NOS1AP: variants seen among roughly 807,000 people sequenced by gnomAD.
NOS1AP encodes nitric oxide synthase 1 adaptor protein, also known as carboxyl-terminal PDZ ligand of neuronal nitric oxide synthase protein.
Under a neutral mutation model 56.2 loss-of-function variants are expected in NOS1AP, and 21 were observed. The observed-to-expected ratio is 0.37, with a 90% CI of 0.26 to 0.54. NOS1AP has a LOEUF of 0.54. Ranked by LOEUF, NOS1AP falls within the 20% of genes least tolerant of loss-of-function variation. NOS1AP has a pLI of 0.84. For synonymous variants in NOS1AP, 270 were observed against 274.6 expected (o/e 0.98, Z 0.17); for missense variants, 522 against 657.8 (o/e 0.79, Z 2.26).
At chr1:162,342,548 T>C (rs775811141) in intron 5 of NOS1AP, 5 of 484,182 alleles carry the variant, frequency 1.0e-5, no homozygotes, top group Admixed American at 8.8e-5. Flanking sequence ...TTCACAAAGA[T>C]AGTAATAAGA....
At position 162,195,998 on chromosome 1, in the gene NOS1AP, A is replaced by C. The variant is rs76088475; in HGVS notation, c.177+41522A>C. ...TCAAAATGATTAAATAAATTAGACT[A>C]TTGGACCAAAGGGGTAAAGGAGATG... On this transcript the variant is annotated intron_variant, in intron 2 of 9. Transcript: ENST00000361897. Among the ~76,000 whole-genome samples the C allele has an allele frequency of 2.8e-3, 422 of 152,348 alleles. 3 individuals are homozygous for C. The highest frequency in any genetic ancestry group is 9.7e-3 in the African/African-American group (405 of 41,574).
At chr1:162,202,682 G>A (rs1652034885) in intron 2 of NOS1AP, among the ~76,000 whole-genome samples, 1 of 152,024 alleles carries the variant, frequency 6.6e-6, no homozygotes, top group Admixed American at 6.6e-5. Flanking sequence ...GATTTTGTCA[G>A]GTTAAAGTAT....
At chr1:162,278,980 A>C (rs1654832432) in intron 2 of NOS1AP, among the ~76,000 whole-genome samples, 1 of 152,196 alleles carries the variant, frequency 6.6e-6, no homozygotes, top group African/African-American at 2.4e-5. Context: ...AGGACAGTCT[A>C]GGCTAGATAT....
At chr1:162,281,214 A>G (rs566615457) in intron 2 of NOS1AP, among the ~76,000 whole-genome samples, 1 of 152,358 alleles carries the variant, frequency 6.6e-6, no homozygotes, top group East Asian at 1.9e-4. Context: ...AAGGAAGATT[A>G]GTTCTTAAAG....
chr1:162,227,676 A>C (rs944407309), intron 2 of NOS1AP, among the ~76,000 whole-genome samples: 4 of 152,222 alleles, frequency 2.6e-5, no homozygotes, highest in Admixed American at 6.5e-5. Flanking sequence ...CGTTCTAGAG[A>C]AAATCCTAAA....
chr1:162,093,543 C>T (rs2102024685), intron 1 of NOS1AP, among the ~76,000 whole-genome samples: 1 of 152,210 alleles, frequency 6.6e-6, no homozygotes, highest in East Asian at 1.9e-4. Flanking sequence ...GGAAGAGATA[C>T]TATGGCGCTT....
At chr1:162,275,589 T>G (rs1220199259) in intron 2 of NOS1AP, among the ~76,000 whole-genome samples, 1 of 152,228 alleles carries the variant, frequency 6.6e-6, no homozygotes, top group Non-Finnish European at 1.5e-5. Flanking sequence ...CTGTCAAGTT[T>G]GACTTTAGAT....
chr1:162,160,615 C>T (rs1292570763), intron 2 of NOS1AP, among the ~76,000 whole-genome samples: 2 of 152,276 alleles, frequency 1.3e-5, no homozygotes, highest in East Asian at 1.9e-4. Flanking sequence ...CTCTGGGAGG[C>T]TTTGTCCAGG....
At chr1:162,123,197 A>G (rs986858258) in intron 1 of NOS1AP, among the ~76,000 whole-genome samples, 1 of 152,238 alleles carries the variant, frequency 6.6e-6, no homozygotes, top group Non-Finnish European at 1.5e-5. Flanking sequence ...CTTGATTCCA[A>G]ATTCAAAGCT....
chr1:162,171,360 C>T (rs1436285784), intron 2 of NOS1AP, among the ~76,000 whole-genome samples: 1 of 152,090 alleles, frequency 6.6e-6, no homozygotes, highest in African/African-American at 2.4e-5. Flanking sequence ...ACATGACTTT[C>T]TCTCCCCTTG....
intron 4 of NOS1AP, among the ~76,000 whole-genome samples, chr1:162,316,105 A>G (rs1329312343): frequency 6.6e-6 from 1 of 152,236 alleles, no homozygotes; most frequent in African/African-American, 2.4e-5. Context: ...GAGTGGATGA[A>G]TGAATGAACG....
At chr1:162,295,096 T>G (rs567844238) in intron 3 of NOS1AP, among the ~76,000 whole-genome samples, 54 of 152,252 alleles carry the variant, frequency 3.5e-4, no homozygotes, top group Non-Finnish European at 7.2e-4. Flanking sequence ...CTGTTTTTAG[T>G]AAATAAGCCT....
At chr1:162,214,475 C>A (rs556355625) in intron 2 of NOS1AP, among the ~76,000 whole-genome samples, 1 of 152,138 alleles carries the variant, frequency 6.6e-6, no homozygotes, top group African/African-American at 2.4e-5. Context: ...GAATAGAGTG[C>A]CATGGGGACT....
chr1:162,077,963 A>T (rs956152766), intron 1 of NOS1AP, among the ~76,000 whole-genome samples: 24 of 151,926 alleles, frequency 1.6e-4, no homozygotes, highest in African/African-American at 5.8e-4. Context: ...CCCCTTCTCT[A>T]TCCTCATCCT....
intron 2 of NOS1AP, among the ~76,000 whole-genome samples, chr1:162,249,626 A>G (rs1653786648): frequency 6.6e-6 from 1 of 152,212 alleles, no homozygotes; most frequent in Non-Finnish European, 1.5e-5. Context: ...AGCTCAATTA[A>G]TCATCTATTC....
In NOS1AP at chr1:162,327,253, A is replaced by T. The variant is rs575080636; in HGVS notation, c.345-5764A>T. ...GAAACACTAGAACATATGTAATTTTAAAAAACCGAAGTTCAAAACCAAGAG... is the reference window on the plus strand; with the variant it reads ...GAAACACTAGAACATATGTAATTTTTAAAAACCGAAGTTCAAAACCAAGAG... On this transcript the variant is annotated intron_variant, in intron 4 of 9. Coordinates refer to ENST00000361897, the MANE Select transcript of NOS1AP (RefSeq NM_014697.3). Among the ~76,000 whole-genome samples, 89 of 152,250 alleles carry T rather than the reference A, an allele frequency of 5.8e-4. 2 individuals carry two copies. In the East Asian group the frequency reaches 0.014, roughly 24 times the overall value.
chr1:162,199,477 T>C (rs1016158234), intron 2 of NOS1AP, among the ~76,000 whole-genome samples: 1 of 152,132 alleles, frequency 6.6e-6, no homozygotes, highest in African/African-American at 2.4e-5. Context: ...TTCTGAGGGA[T>C]GTAGAGGTAT....
chr1:162,296,132 C>G (rs1166545779), intron 3 of NOS1AP, among the ~76,000 whole-genome samples: 1 of 152,022 alleles, frequency 6.6e-6, no homozygotes, highest in Non-Finnish European at 1.5e-5. Context: ...ACTAAAAATA[C>G]AAAAATTAGC....
At chr1:162,125,580 T>C (rs1247080868) in intron 1 of NOS1AP, among the ~76,000 whole-genome samples, 1 of 152,154 alleles carries the variant, frequency 6.6e-6, no homozygotes, top group Non-Finnish European at 1.5e-5. Context: ...ACTTGGTTGG[T>C]TGTAAGTATT....
Sources: allele counts gnomAD v4.1 joint callset (sites outside exome capture counted in the v4.1 genomes callset), GRCh38; gene constraint gnomAD v4.1.1; transcripts MANE v1.5; gene names NCBI Gene and HGNC (gene_info 2026-07-23, HGNC 2026-07-21).